Variants in GABRG1 observed in about 807,000 individuals in gnomAD.
GABRG1 encodes the protein gamma-aminobutyric acid receptor subunit gamma-1.
In GABRG1, 49 loss-of-function variants were observed where a neutral mutation model predicts 49.8. The ratio of observed to expected loss-of-function variants is 0.98; its 90% CI spans 0.78 to 1.25. The LOEUF (loss-of-function observed/expected upper bound fraction) is 1.25, where lower values mean the gene tolerates loss of function less well. GABRG1 is among the 50% of genes most tolerant of loss of function. The pLI is 0.00. For missense variants in GABRG1, 552 were observed against 552.3 expected (o/e 1.00, Z 0.01); for synonymous variants, 232 against 185.1 (o/e 1.25, Z -2.06).
intron 7 of GABRG1, among the ~76,000 whole-genome samples, chr4:46,057,173 G>C (rs987197581): frequency 2.0e-5 from 3 of 152,202 alleles, no homozygotes; most frequent in African/African-American, 4.8e-5. Flanking sequence ...ACAAAATTGA[G>C]ATACGAATGG....
intron 2 of GABRG1, among the ~76,000 whole-genome samples, chr4:46,086,094 G>C (rs968784343): frequency 5.9e-5 from 9 of 151,476 alleles, no homozygotes; most frequent in African/African-American, 1.7e-4. Context: ...TGTGAAGGCA[G>C]GTAGAGATGA....
chr4:46,094,889 T>C (rs1720117288), intron 2 of GABRG1, among the ~76,000 whole-genome samples: 1 of 151,672 alleles, frequency 6.6e-6, no homozygotes, highest in Non-Finnish European at 1.5e-5. Context: ...GATACGAAGA[T>C]CCAATACAAA....
At chr4:46,123,612 C>T (rs1348062038) in intron 1 of GABRG1, among the ~76,000 whole-genome samples, 198 bp downstream of exon 1, 1 of 152,032 alleles carries the variant, frequency 6.6e-6, no homozygotes. Context: ...GAACCAATCT[C>T]ATGCTTCAGA....
rs762710276 is a variant in GABRG1, at chr4:46,123,884, G to A, written c.30C>T (p.Ser10=). MGPLKAFLF[S]PFLLRSQSRG... Reference sequence around the variant, plus strand: ...TACTTTGACTCCGCAGAAGAAAAGGGGAGAAGAGAAAAGCTTTCAAAGGAC... The same window carrying A: ...TACTTTGACTCCGCAGAAGAAAAGGAGAGAAGAGAAAAGCTTTCAAAGGAC... The change falls in exon 1 of 9, where the codon TCC becomes TCT. Residue 10 remains serine (S), a synonymous_variant. Transcript: ENST00000295452. 2 of 1,613,658 alleles carry A rather than the reference G, an allele frequency of 1.2e-6. No individual in the cohort carries two copies. Among genetic ancestry groups the A allele is most frequent in the East Asian group, 4.5e-5 (2 of 44,830 alleles).
chr4:46,114,671 T>A lies in GABRG1; in HGVS notation c.104+9139A>T, dbSNP rs1017443755. ...ATAAGTAAGTGAACAGAAAAAAAAA[T>A]TTAAATCCTATTGTGCTATTTTCAG... On this transcript the variant is annotated intron_variant, in intron 1 of 8. Transcript: ENST00000295452. Among the ~76,000 whole-genome samples the A allele has an allele frequency of 3.1e-4, 47 of 150,792 alleles. No homozygotes were observed. In the Middle Eastern group the frequency reaches 0.014, roughly 44 times the overall value.
At chr4:46,042,053 G>A (rs1262831621) in intron 8 of GABRG1, among the ~76,000 whole-genome samples, 1 of 151,852 alleles carries the variant, frequency 6.6e-6, no homozygotes, top group African/African-American at 2.4e-5. Flanking sequence ...ATTATTCTTT[G>A]GCTTCTATGT....
chr4:46,043,513 A>C (rs2109392184), intron 8 of GABRG1, among the ~76,000 whole-genome samples: 1 of 152,128 alleles, frequency 6.6e-6, no homozygotes, highest in East Asian at 1.9e-4. Flanking sequence ...AATATTGATG[A>C]AACACAGATT....
In GABRG1 at chr4:46,071,420, CAT is replaced by C. The variant is rs534225538; in HGVS notation, c.322-5838_322-5837del. On this transcript the variant is annotated intron_variant, in intron 3 of 8. Coordinates refer to ENST00000295452, the MANE Select transcript of GABRG1 (RefSeq NM_173536.4). ...AAATACATAAATGAAAATACACACA[CAT>C]ATGTTATATATATAATATATAAATA... is the stretch of plus-strand genomic sequence containing the variant. 8.1e-4 allele frequency among the ~76,000 whole-genome samples: 121 copies of C among 148,680 alleles called. 1 individual carries two copies. Among genetic ancestry groups the C allele is most frequent in the Middle Eastern group, 3.6e-3 (1 of 278 alleles).
chr4:46,091,619 G>A (rs1057042335), intron 2 of GABRG1, among the ~76,000 whole-genome samples: 15 of 151,028 alleles, frequency 9.9e-5, no homozygotes, highest in South Asian at 4.2e-4. Context: ...AACATTGAAC[G>A]GGAAATTAGG....
At chr4:46,066,697 C>A (rs1013792936) in intron 3 of GABRG1, among the ~76,000 whole-genome samples, 2 of 151,932 alleles carry the variant, frequency 1.3e-5, no homozygotes, top group Admixed American at 6.6e-5. Context: ...TAACAGAGAA[C>A]CTTCAAGAGT....
intron 1 of GABRG1, among the ~76,000 whole-genome samples, chr4:46,117,154 A>C (rs1720921734): frequency 6.6e-6 from 1 of 150,590 alleles, no homozygotes; most frequent in Non-Finnish European, 1.5e-5. Flanking sequence ...CATGACTATT[A>C]AAATATATAT....
chr4:46,083,200 C>T (rs1461153585), intron 3 of GABRG1, among the ~76,000 whole-genome samples: 1 of 151,510 alleles, frequency 6.6e-6, no homozygotes, highest in Non-Finnish European at 1.5e-5. Context: ...AAAAAATTAC[C>T]TATTTTGAAA....
rs780001709 is a variant in GABRG1 at position 46,065,456 on chromosome 4, G to C, written c.450C>G (p.Phe150Leu). The change falls in exon 4 of 9, where the codon TTC becomes TTG. Residue 150 changes from phenylalanine (F) to leucine (L), a missense_variant. By Grantham distance (22) the Phe-to-Leu change is conservative. Coordinates refer to ENST00000295452, the MANE Select transcript of GABRG1 (RefSeq NM_173536.4). ...VGKIWIPDTF[F>L]RNSRKSDAHW... ...GAGCATCAGATTTTCTTGAGTTTCT[G>C]AAGAAAGTGTCAGGAATCCAAATTT... The C allele has an allele frequency of 6.2e-7, 1 of 1,612,400 alleles. No homozygotes were observed. The highest frequency in any genetic ancestry group is 8.5e-7 in the Non-Finnish European group (1 of 1,178,962).
chr4:46,089,472 T>C (rs1399829834), intron 2 of GABRG1, among the ~76,000 whole-genome samples: 1 of 152,024 alleles, frequency 6.6e-6, no homozygotes, highest in African/African-American at 2.4e-5. Context: ...AGAGATGGAA[T>C]AAAACAACAA....
chr4:46,105,306 C>T (rs1007935401), intron 1 of GABRG1, among the ~76,000 whole-genome samples: 4 of 151,272 alleles, frequency 2.6e-5, no homozygotes, highest in Admixed American at 6.6e-5. Context: ...AAAAAGAAAA[C>T]GAAAAAACCA....
At chr4:46,054,720 G>GAGC (rs1718367886) in intron 7 of GABRG1, among the ~76,000 whole-genome samples, 1 of 8,672 alleles carries the variant, frequency 1.2e-4, no homozygotes, top group African/African-American at 7.8e-4. Context: ...CTTTGCTGAA[G>GAGC]TTGCTTATCA....
intron 8 of GABRG1, among the ~76,000 whole-genome samples, chr4:46,044,760 TC>T (rs781099106): frequency 3.4e-4 from 51 of 152,046 alleles, no homozygotes; most frequent in Non-Finnish European, 5.9e-4. Context: ...TCAGCTGCAC[TC>T]CTTTGAACTA....
chr4:46,107,881 G>A (rs1021625844), intron 1 of GABRG1, among the ~76,000 whole-genome samples: 2 of 150,732 alleles, frequency 1.3e-5, no homozygotes, highest in Non-Finnish European at 3.0e-5. Context: ...GTGACATAAC[G>A]ACTATAAAAA....
intron 7 of GABRG1, among the ~76,000 whole-genome samples, chr4:46,052,360 C>T (rs759291793): frequency 6.6e-5 from 10 of 151,850 alleles, no homozygotes; most frequent in South Asian, 2.1e-4. Context: ...ACTAACATAG[C>T]TTTTTGTTAT....
Sources: allele counts gnomAD v4.1 joint callset (sites outside exome capture counted in the v4.1 genomes callset), GRCh38; gene constraint gnomAD v4.1.1; transcripts MANE v1.5; gene names NCBI Gene and HGNC (gene_info 2026-07-23, HGNC 2026-07-21).